EDAR: variants seen among roughly 807,000 people sequenced by gnomAD.
The protein encoded by EDAR is ectodysplasin A receptor, also known as tumor necrosis factor receptor superfamily member EDAR.
Under a neutral mutation model 51.3 loss-of-function variants are expected in EDAR, and 38 were observed. The observed-to-expected ratio is 0.74, with a 90% CI of 0.57 to 0.97. The LOEUF (loss-of-function observed/expected upper bound fraction) is 0.97, where lower values mean the gene tolerates loss of function less well. Ranked by LOEUF, EDAR falls within the 50% of genes least tolerant of loss-of-function variation. The pLI is 0.00. For synonymous variants in EDAR, 227 were observed against 242.1 expected, an observed-to-expected ratio of 0.94 and a Z score of 0.58; for missense variants, 528 against 595.0, an observed-to-expected ratio of 0.89 and a Z score of 1.17.
chr2:108,945,521 A>G (rs1189320303), intron 1 of EDAR, among the ~76,000 whole-genome samples: 1 of 152,230 alleles, frequency 6.6e-6, no homozygotes, highest in African/African-American at 2.4e-5. Context: ...AGGGCTGAAC[A>G]GGATGGATAA....
chr2:108,981,042 A>T (rs1446279765), intron 1 of EDAR, among the ~76,000 whole-genome samples: 1 of 152,230 alleles, frequency 6.6e-6, no homozygotes, highest in East Asian at 1.9e-4. Flanking sequence ...GAGTGCATAC[A>T]GAGCATGAGC....
intron 1 of EDAR, among the ~76,000 whole-genome samples, chr2:108,960,969 C>T (rs905285194): frequency 6.6e-6 from 1 of 152,184 alleles, no homozygotes; most frequent in Admixed American, 6.5e-5. Context: ...CCACAACGTA[C>T]ATAAAAGACA....
chr2:108,987,507 C>A (rs1322034740), intron 1 of EDAR, among the ~76,000 whole-genome samples: 2 of 152,208 alleles, frequency 1.3e-5, no homozygotes, highest in East Asian at 3.9e-4. Context: ...AATGTGTATG[C>A]CCAACAAAAT....
At chr2:108,919,839 C>T (rs1264604460) in intron 5 of EDAR, among the ~76,000 whole-genome samples, 2 of 152,194 alleles carry the variant, frequency 1.3e-5, no homozygotes, top group South Asian at 2.1e-4. Flanking sequence ...CCCAGTGGCT[C>T]CCGGCACCCT....
intron 1 of EDAR, among the ~76,000 whole-genome samples, chr2:108,949,870 C>G (rs913407616): frequency 6.6e-6 from 1 of 152,186 alleles, no homozygotes; most frequent in African/African-American, 2.4e-5. Flanking sequence ...AAATAACCTC[C>G]GAGTAATATG....
intron 4 of EDAR, 101 bp downstream of exon 4, chr2:108,929,097 C>T: frequency 7.3e-7 from 1 of 1,374,654 alleles, no homozygotes; most frequent in South Asian, 1.2e-5. Context: ...GCACCGAGGC[C>T]TGCAGTATCC....
intron 1 of EDAR, among the ~76,000 whole-genome samples, chr2:108,977,189 C>A (rs912538279): frequency 6.6e-5 from 10 of 152,188 alleles, no homozygotes; most frequent in Non-Finnish European, 1.5e-4. Flanking sequence ...GGCCCTGCAC[C>A]CCTGACCACC....
chr2:108,977,941 G>T (rs995192644), intron 1 of EDAR, among the ~76,000 whole-genome samples: 1 of 152,226 alleles, frequency 6.6e-6, no homozygotes, highest in South Asian at 2.1e-4. Context: ...CTATAGGCAG[G>T]ATCTATGGAC....
intron 10 of EDAR, among the ~76,000 whole-genome samples, chr2:108,907,417 G>A (rs889143080): frequency 1.5e-4 from 23 of 152,186 alleles, no homozygotes; most frequent in African/African-American, 4.8e-4. Context: ...AGGCCGAGGC[G>A]GGTGGATTGC....
intron 5 of EDAR, among the ~76,000 whole-genome samples, chr2:108,922,360 T>TA (rs1697159758): frequency 2.0e-5 from 3 of 152,248 alleles, no homozygotes; most frequent in Non-Finnish European, 4.4e-5. Context: ...CGGCCTCCTC[T>TA]AATTTGTGAA....
intron 1 of EDAR, among the ~76,000 whole-genome samples, chr2:108,935,018 G>A (rs898776774): frequency 6.6e-6 from 1 of 152,184 alleles, no homozygotes; most frequent in Admixed American, 6.5e-5. Flanking sequence ...ACACTCTTTT[G>A]GAGTCAAGCG....
intron 6 of EDAR, among the ~76,000 whole-genome samples, chr2:108,912,094 G>A (rs1206270675): frequency 6.6e-6 from 1 of 152,186 alleles, no homozygotes; most frequent in Non-Finnish European, 1.5e-5. Context: ...GGTGCTCTGA[G>A]GGCTCTGGAG....
At chr2:108,925,098 G>A (rs578230224) in intron 4 of EDAR, among the ~76,000 whole-genome samples, 2 of 152,010 alleles carry the variant, frequency 1.3e-5, no homozygotes, top group South Asian at 4.2e-4. Context: ...TCCCGCTCCT[G>A]GGCTGGGAGG....
At chr2:108,929,497 G>A in intron 3 of EDAR, 118 bp from the exon 4 acceptor site, 1 of 1,132,926 alleles carries the variant, frequency 8.8e-7, no homozygotes, top group African/African-American at 1.5e-5. Flanking sequence ...CTCTTGCCGG[G>A]CCTTGGTTTC....
intron 1 of EDAR, among the ~76,000 whole-genome samples, chr2:108,952,783 T>C (rs1697849789): frequency 6.6e-6 from 1 of 152,250 alleles, no homozygotes; most frequent in South Asian, 2.1e-4. Context: ...TGTTTTATCA[T>C]ATGCCAGACA....
intron 1 of EDAR, among the ~76,000 whole-genome samples, chr2:108,983,247 C>G (rs1488347240): frequency 6.6e-6 from 1 of 152,178 alleles, no homozygotes; most frequent in Non-Finnish European, 1.5e-5. Flanking sequence ...GCTTTAGGAA[C>G]AGCCATTTTG....
intron 3 of EDAR, among the ~76,000 whole-genome samples, 166 bp from the exon 4 acceptor site, chr2:108,929,545 C>G (rs1697326371): frequency 6.6e-6 from 1 of 152,214 alleles, no homozygotes; most frequent in South Asian, 2.1e-4. Context: ...CAGGAACCAG[C>G]TCATGCTCTG....
chr2:108,931,111 TG>T, intron 1 of EDAR, 79 bp from the exon 2 acceptor site: 1 of 1,171,640 alleles, frequency 8.5e-7, no homozygotes, highest in Non-Finnish European at 1.3e-6. Flanking sequence ...TTAACCCCAC[TG>T]GATATAAGGT....
At chr2:108,966,231 G>GC (rs1698148749) in intron 1 of EDAR, among the ~76,000 whole-genome samples, 1 of 152,186 alleles carries the variant, frequency 6.6e-6, no homozygotes, top group African/African-American at 2.4e-5. Flanking sequence ...TGTCTGCCTT[G>GC]CATGTTGTTG....
Sources: allele counts gnomAD v4.1 joint callset (sites outside exome capture counted in the v4.1 genomes callset), GRCh38; gene constraint gnomAD v4.1.1; transcripts MANE v1.5; gene names NCBI Gene and HGNC (gene_info 2026-07-23, HGNC 2026-07-21).